ANKRD11: variants seen among roughly 807,000 people sequenced by gnomAD.
ANKRD11 encodes ankyrin repeat domain-containing protein 11.
ANKRD11 carries 17 observed loss-of-function variants against 195.7 expected under a neutral mutation model. The ratio of observed to expected loss-of-function variants is 0.09; its 90% CI spans 0.06 to 0.13. The LOEUF is 0.13. Among genes scored for constraint, ANKRD11 ranks in the 10% least tolerant of loss-of-function variants. The pLI, the probability that ANKRD11 is intolerant of heterozygous loss-of-function variation, is 1.00. For synonymous variants in ANKRD11, 1,953 were observed against 1,528.1 expected (o/e 1.28, Z -6.49); for missense variants, 3,735 against 3,566.1 (o/e 1.05, Z -1.21).
intron 1 of ANKRD11, among the ~76,000 whole-genome samples, chr16:89,427,652 A>G (rs1337063443): frequency 6.6e-6 from 1 of 151,698 alleles, no homozygotes; most frequent in African/African-American, 2.4e-5. Context: ...CAAAAAAATT[A>G]GCTGGGTGTG....
chr16:89,465,578 TCCA>T (rs1372656406), intron 1 of ANKRD11, among the ~76,000 whole-genome samples: 1 of 152,196 alleles, frequency 6.6e-6, no homozygotes, highest in Non-Finnish European at 1.5e-5. Flanking sequence ...CCTCCAGCAT[TCCA>T]CCATGAGACA....
intron 11 of ANKRD11, chr16:89,271,526 A>G (rs916836930): frequency 1.9e-5 from 3 of 161,974 alleles, no homozygotes; most frequent in African/African-American, 7.2e-5. Context: ...TCACGGGTTC[A>G]TGGTGAAGCT....
intron 1 of ANKRD11, among the ~76,000 whole-genome samples, chr16:89,458,217 C>G (rs913251525): frequency 6.6e-6 from 1 of 151,898 alleles, no homozygotes; most frequent in African/African-American, 2.4e-5. Context: ...ACTTGCTTTA[C>G]GTAATTTCAT....
In ANKRD11 at chr16:89,285,054, C is replaced by G; in HGVS notation, c.1488G>C (p.Leu496=). The G allele has an allele frequency of 6.2e-7, 1 of 1,613,942 alleles. No individual in the cohort carries two copies. The highest frequency in any genetic ancestry group is 8.5e-7 in the Non-Finnish European group (1 of 1,180,014). ...SESGEDDRDS[L]GSSGCLKGSP... is the part of the protein sequence containing the mutation. ...ACCCCTTGAGGCAGCCAGAGCTCCCCAGAGAGTCCCTGTCATCCTCCCCAC... is the reference window on the plus strand; with the variant it reads ...ACCCCTTGAGGCAGCCAGAGCTCCCGAGAGAGTCCCTGTCATCCTCCCCAC... Residue 496 remains leucine (L), a synonymous_variant, in exon 9 of 13, where the codon CTG becomes CTC. Transcript: ENST00000301030. The surrounding 1 kb of genome is among the most constrained non-coding windows in gnomAD (Gnocchi z 5.6).
chr16:89,350,564 T>C lies in ANKRD11; in HGVS notation c.-59-33486A>G, dbSNP rs149499783. Among the ~76,000 whole-genome samples the C allele has an allele frequency of 8.7e-4, 132 of 152,278 alleles. 1 individual carries two copies. Among genetic ancestry groups the C allele is most frequent in the Non-Finnish European group, 1.5e-3 (105 of 68,034 alleles). ...AGACACAAGAGTCCACACTCAATGA[T>C]TCCATTCATATTAAATTCTAGTAAA... On this transcript the variant is annotated intron_variant, in intron 2 of 12. Coordinates refer to ENST00000301030, the MANE Select transcript of ANKRD11 (RefSeq NM_013275.6).
chr16:89,319,188 A>G (rs187786232), intron 2 of ANKRD11, among the ~76,000 whole-genome samples: 134 of 152,324 alleles, frequency 8.8e-4, no homozygotes, highest in African/African-American at 3.1e-3. Flanking sequence ...CCACGGACAC[A>G]CTCAACAGCT....
intron 4 of ANKRD11, chr16:89,300,916 G>T (rs2035813075): frequency 1.4e-6 from 1 of 700,720 alleles, no homozygotes; most frequent in East Asian, 2.7e-5. Flanking sequence ...CGCTCCTGAC[G>T]AGGGCTCCCT....
In ANKRD11 at chr16:89,279,452, C is replaced by A. The variant is rs999130123; in HGVS notation, c.7090G>T (p.Ala2364Ser). 1.3e-5 allele frequency: 19 copies of A among 1,482,414 alleles called. No homozygotes were observed. Among genetic ancestry groups the A allele is most frequent in the African/African-American group, 2.8e-5 (2 of 70,770 alleles). The allele number at this position is 1,482,414 out of a possible 1,614,324, so 91.8% of individuals were successfully genotyped here. A position where few individuals can be genotyped will look rare whatever the true frequency, so the allele number is the denominator to read the frequency against. ...PSEKECAPTPAPVTRAKARGS... is the reference protein window; with the variant it reads ...PSEKECAPTPSPVTRAKARGS... The stretch of plus-strand genomic sequence containing the variant: ...CGGGCCTTGGCCCTGGTGACCGGGG[C>A]AGGGGTGGGGGCGCACTCCTTCTCG... The change falls in exon 9 of 13, where the codon GCC (alanine) becomes TCC (serine). Residue 2364 changes from alanine to serine, a missense_variant. Physicochemically the swap from Ala to Ser is moderately conservative, Grantham distance 99 (BLOSUM62 1). Coordinates refer to ENST00000301030, the MANE Select transcript of ANKRD11 (RefSeq NM_013275.6). The surrounding 1 kb of genome is among the most constrained non-coding windows in gnomAD (Gnocchi z 5.6).
Position 89,286,191 on chromosome 16 carries a change from A to G in ANKRD11, c.745-5T>C. On this transcript the variant is annotated splice_region_variant and splice_polypyrimidine_tract_variant and intron_variant, in intron 7 of 12. Transcript: ENST00000301030. The stretch of plus-strand genomic sequence containing the variant: ...CCGCAGCAGCAGCTTCACCACCTAC[A>G]AGACAGTAACACCCGCGTCAGGGAC... The G allele has an allele frequency of 6.2e-7, 1 of 1,613,058 alleles. No homozygotes were observed. The highest frequency in any genetic ancestry group is 8.5e-7 in the Non-Finnish European group (1 of 1,179,980).
At chr16:89,369,440 C>G (rs955795413) in intron 2 of ANKRD11, among the ~76,000 whole-genome samples, 1 of 152,188 alleles carries the variant, frequency 6.6e-6, no homozygotes, top group South Asian at 2.1e-4. Context: ...TGCGCCTCCA[C>G]GGCACCAAGC....
At chr16:89,405,728 G>T (rs1298454278) in intron 2 of ANKRD11, among the ~76,000 whole-genome samples, 3 of 152,024 alleles carry the variant, frequency 2.0e-5, no homozygotes, top group African/African-American at 7.2e-5. Context: ...CGTCCTCAAG[G>T]CCTGTCCACG....
At chr16:89,319,251 G>A (rs571571123) in intron 2 of ANKRD11, among the ~76,000 whole-genome samples, 3 of 152,300 alleles carry the variant, frequency 2.0e-5, no homozygotes, top group South Asian at 2.1e-4. Flanking sequence ...TCTGGGCCCC[G>A]ACAGTGCGGG....
chr16:89,336,400 AG>A (rs1247100569), intron 2 of ANKRD11, among the ~76,000 whole-genome samples: 2 of 152,198 alleles, frequency 1.3e-5, no homozygotes, highest in Non-Finnish European at 2.9e-5. Context: ...TCAAAGACCC[AG>A]GAAGGAAGGA....
chr16:89,291,566 G>A lies in ANKRD11; in HGVS notation c.227-383C>T, dbSNP rs922371303. 16 of 808,118 alleles carry A rather than the reference G, an allele frequency of 2.0e-5. No individual in the cohort carries two copies. Among genetic ancestry groups the A allele is most frequent in the Admixed American group, 1.8e-4 (8 of 43,560 alleles). The allele number at this position is 808,118 out of a possible 1,614,324, so 50.1% of individuals were successfully genotyped here. A position where few individuals can be genotyped will look rare whatever the true frequency, so the allele number is the denominator to read the frequency against. ...CAGGACAGGTCTCTGTTCAATACAC[G>A]TGTCTGTAATTCAATTCCACCTTCC... is the stretch of plus-strand genomic sequence containing the variant. On this transcript the variant is annotated intron_variant, in intron 4 of 12. Coordinates refer to ENST00000301030, the MANE Select transcript of ANKRD11 (RefSeq NM_013275.6). This position sits in a 1 kb window ranked among gnomAD's most constrained non-coding sequence, Gnocchi z 5.3.
chr16:89,435,317 T>C (rs2043167129), intron 1 of ANKRD11, among the ~76,000 whole-genome samples: 1 of 152,170 alleles, frequency 6.6e-6, no homozygotes. Context: ...CAGCAGTACG[T>C]GGGCAGGGCC....
chr16:89,440,770 G>A (rs75472887), intron 1 of ANKRD11, among the ~76,000 whole-genome samples: 1 of 152,336 alleles, frequency 6.6e-6, no homozygotes, highest in Non-Finnish European at 1.5e-5. Flanking sequence ...AGGGGCTACA[G>A]AAAGGGGGCC....
chr16:89,450,336 G>T (rs1161534957), intron 1 of ANKRD11, among the ~76,000 whole-genome samples: 1 of 152,090 alleles, frequency 6.6e-6, no homozygotes, highest in East Asian at 1.9e-4. Context: ...AAAAACATAA[G>T]ACTCAGAGAC....
intron 4 of ANKRD11, among the ~76,000 whole-genome samples, chr16:89,294,242 G>C (rs563995439): frequency 6.6e-6 from 1 of 152,264 alleles, no homozygotes; most frequent in South Asian, 2.1e-4. Context: ...CGCATGGAAG[G>C]TGCTGCCAAC....
In ANKRD11 at chr16:89,329,139, T is replaced by C. The variant is rs189889488; in HGVS notation, c.-59-12061A>G. 4.3e-4 allele frequency among the ~76,000 whole-genome samples: 66 copies of C among 152,340 alleles called. 2 individuals carry two copies. In the East Asian group the frequency reaches 0.012, roughly 28 times the overall value. On this transcript the variant is annotated intron_variant, in intron 2 of 12. Transcript: ENST00000301030. ...TCCCTGTGGACTCTACTCCCACGGC[T>C]TCCTCCAGGACAAAACCACCAACCT...
Sources: gnomAD v4.1 joint callset for allele counts (sites outside exome capture counted in the v4.1 genomes callset) on GRCh38, gnomAD v4.1.1 for gene constraint, Gnocchi (gnomAD v3.1) non-coding constraint, MANE v1.5 for transcripts, NCBI Gene and HGNC (gene_info 2026-07-23, HGNC 2026-07-21) for gene names.